Variants in UBE2D2 observed in about 807,000 individuals in gnomAD.
The protein encoded by UBE2D2 is ubiquitin conjugating enzyme E2 D2.
UBE2D2 carries 2 observed loss-of-function variants against 24.2 expected under a neutral mutation model. The observed-to-expected ratio is 0.08, with a 90% CI of 0.03 to 0.26. UBE2D2 has a LOEUF of 0.26. Among genes scored for constraint, UBE2D2 ranks in the 10% least tolerant of loss-of-function variants. UBE2D2 has a pLI of 1.00. For missense variants in UBE2D2, 44 were observed against 177.6 expected (o/e 0.25, Z 4.28); for synonymous variants, 58 against 56.5 (o/e 1.03, Z -0.12).
At chr5:139,562,154 G>T (rs1489626453) in intron 1 of UBE2D2, 2 of 1,307,690 alleles carry the variant, frequency 1.5e-6, no homozygotes, top group African/African-American at 3.0e-5. Flanking sequence ...TGGGGCCGAG[G>T]GGGGCGCTGG....
chr5:139,590,752 G>C (rs142018119), intron 1 of UBE2D2, among the ~76,000 whole-genome samples: 1 of 124,574 alleles, frequency 8.0e-6, no homozygotes, highest in Non-Finnish European at 1.7e-5. Context: ...AAGCTGGGTT[G>C]TAAGTTCATG....
chr5:139,587,726 T>C (rs577555942), intron 1 of UBE2D2, among the ~76,000 whole-genome samples: 1 of 129,088 alleles, frequency 7.7e-6, no homozygotes, highest in Admixed American at 7.8e-5. Context: ...CAAGATTTAA[T>C]AGAGTGAAAT....
At chr5:139,606,577 TG>T (rs764235305) in intron 2 of UBE2D2, among the ~76,000 whole-genome samples, 48 of 152,370 alleles carry the variant, frequency 3.2e-4, no homozygotes, top group Non-Finnish European at 4.1e-4. Context: ...TTGTGTAATT[TG>T]GTTTGATAGT....
chr5:139,548,193 A>AAAAAAAAAATAAATAAATAAAT lies in UBE2D2; in HGVS notation c.-64+21584_-64+21585insAAAAAATAAATAAATAAATAAA. Among the ~76,000 whole-genome samples, 45 of 47,104 alleles carry AAAAAAAAAATAAATAAATAAAT rather than the reference A, an allele frequency of 9.6e-4. 2 individuals are homozygous for AAAAAAAAAATAAATAAATAAAT. The highest frequency in any genetic ancestry group is 1.4e-3 in the Admixed American group (6 of 4,238). The allele number at this position is 47,104 out of a possible 152,430, so 30.9% of individuals were successfully genotyped here. A position where few individuals can be genotyped will look rare whatever the true frequency, so the allele number is the denominator to read the frequency against. The stretch of plus-strand genomic sequence containing the variant: ...AAAAAAAAAAAAAAAATAAAAAAAA[A>AAAAAAAAAATAAATAAATAAAT]AAATAAATAAATAAATAAATAAACG... On this transcript the variant is annotated intron_variant, in intron 1 of 6. Coordinates refer to the UBE2D2 transcript ENST00000511725.
At chr5:139,569,194 A>C (rs1753302528) in intron 1 of UBE2D2, among the ~76,000 whole-genome samples, 1 of 152,142 alleles carries the variant, frequency 6.6e-6, no homozygotes, top group Admixed American at 6.5e-5. Context: ...GAGCTTCTTC[A>C]CATAAGTTCT....
intron 1 of UBE2D2, among the ~76,000 whole-genome samples, chr5:139,564,136 A>G (rs568860788): frequency 6.6e-6 from 1 of 152,130 alleles, no homozygotes; most frequent in African/African-American, 2.4e-5. Flanking sequence ...TTTTTTTAAT[A>G]AAATCAAGTT....
At chr5:139,618,975 G>A (rs1365507141) in intron 5 of UBE2D2, among the ~76,000 whole-genome samples, 1 of 151,988 alleles carries the variant, frequency 6.6e-6, no homozygotes. Flanking sequence ...GTCCGTGATG[G>A]GGACCTAAAT....
In UBE2D2 at chr5:139,550,546, C is replaced by G. The variant is rs146748338; in HGVS notation, c.-64+23934C>G. On this transcript the variant is annotated intron_variant, in intron 1 of 6. Transcript: ENST00000511725. ...TGCCTGCGCTAGTAGTGGCAACTGG[C>G]TCAGGTTCTCTTCCACGCTCACGCT... Among the ~76,000 whole-genome samples, 727 of 152,232 alleles carry G rather than the reference C, an allele frequency of 4.8e-3. 5 individuals carry two copies. The highest frequency in any genetic ancestry group is 8.6e-3 in the Non-Finnish European group (585 of 68,018).
At chr5:139,602,171 C>A (rs1426350648) in intron 2 of UBE2D2, among the ~76,000 whole-genome samples, 1 of 150,244 alleles carries the variant, frequency 6.7e-6, no homozygotes, top group Non-Finnish European at 1.5e-5. Context: ...CCTGCCTCAG[C>A]CTTCCAAGTA....
Position 139,626,724 on chromosome 5 carries a change from A to G in UBE2D2, c.399-32A>G, listed in dbSNP as rs768227732. The G allele has an allele frequency of 7.5e-6, 12 of 1,603,720 alleles. No individual in the cohort carries two copies. The Admixed American group carries it at 1.2e-4, about 16-fold the overall frequency. On this transcript the variant is annotated intron_variant, in intron 6 of 6. Coordinates refer to ENST00000398733, the MANE Select transcript of UBE2D2 (RefSeq NM_003339.3). The stretch of plus-strand genomic sequence containing the variant: ...TCTGTTGCTTACTGACTCCACACCT[A>G]TGTTAAGCCAAGCTTCTCTTTGTGT...
At chr5:139,545,781 T>C (rs1385859392) in intron 1 of UBE2D2, among the ~76,000 whole-genome samples, 1 of 151,198 alleles carries the variant, frequency 6.6e-6, no homozygotes, top group Non-Finnish European at 1.5e-5. Context: ...TGCAGTACAG[T>C]GGTGTGATCT....
rs1266661024 is a variant in UBE2D2, at chr5:139,561,683, TCTC to T, written c.-106_-104del. 6 of 851,088 alleles carry T rather than the reference TCTC, an allele frequency of 7.0e-6. No individual in the cohort carries two copies. Among genetic ancestry groups the T allele is most frequent in the Non-Finnish European group, 6.8e-6 (4 of 588,318 alleles). The allele number at this position is 851,088 out of a possible 1,614,324, so 52.7% of individuals were successfully genotyped here. ...ACCCGCTTTCCTCAACTCTCCATCT[TCTC>T]CTGCCGACCGAGATCGCCGAGGCGG... On this transcript the variant is annotated 5_prime_UTR_variant, in exon 1 of 7. Transcript: ENST00000398733.
chr5:139,541,734 C>T, intron 1 of UBE2D2, among the ~76,000 whole-genome samples: 1 of 150,082 alleles, frequency 6.7e-6, no homozygotes, highest in East Asian at 2.0e-4. Flanking sequence ...ATAACTAGAA[C>T]AACCCTACAA....
chr5:139,557,316 A>G (rs916447421), upstream of UBE2D2, among the ~76,000 whole-genome samples: 2 of 151,082 alleles, frequency 1.3e-5, no homozygotes, highest in African/African-American at 4.9e-5. Context: ...ATTTTTTTTT[A>G]GTAGAGACAT....
At chr5:139,571,223 A>G (rs1368366143) in intron 1 of UBE2D2, among the ~76,000 whole-genome samples, 2 of 152,032 alleles carry the variant, frequency 1.3e-5, no homozygotes, top group Admixed American at 6.6e-5. Flanking sequence ...CCTGGCCAAC[A>G]TGGTGAAACC....
At chr5:139,542,553 T>G (rs1206099640) in intron 1 of UBE2D2, among the ~76,000 whole-genome samples, 1 of 152,102 alleles carries the variant, frequency 6.6e-6, no homozygotes, top group African/African-American at 2.4e-5. Flanking sequence ...ACCCCTGACC[T>G]CAAATCATCA....
rs184045889 is a variant in UBE2D2, at chr5:139,601,992, T to C, written c.88+1557T>C. The stretch of plus-strand genomic sequence containing the variant: ...ATACTTACAAACACTTGTGTAAATA[T>C]GTAGATTCAGACCAAAATGAGTACA... On this transcript the variant is annotated intron_variant, in intron 2 of 6. Transcript: ENST00000398733. Among the ~76,000 whole-genome samples the C allele has an allele frequency of 4.6e-5, 7 of 152,258 alleles. 1 individual carries two copies. The highest frequency in any genetic ancestry group is 2.1e-4 in the South Asian group (1 of 4,826).
intron 1 of UBE2D2, among the ~76,000 whole-genome samples, chr5:139,590,779 C>CTTTTTTTTT (rs1561513230): frequency 5.4e-5 from 3 of 55,990 alleles, no homozygotes; most frequent in Non-Finnish European, 1.1e-4. Flanking sequence ...ATTTTCTCTT[C>CTTTTTTTTT]TTCTTTTTTT....
chr5:139,551,042 C>T (rs1315072428), intron 1 of UBE2D2, among the ~76,000 whole-genome samples: 1 of 152,104 alleles, frequency 6.6e-6, no homozygotes, highest in African/African-American at 2.4e-5. Context: ...ATCTTATTCT[C>T]CTTTTAGAAT....
Sources: allele counts gnomAD v4.1 joint callset (sites outside exome capture counted in the v4.1 genomes callset), GRCh38; gene constraint gnomAD v4.1.1; transcripts MANE v1.5; gene names NCBI Gene and HGNC (gene_info 2026-07-23, HGNC 2026-07-21).